Variants in DNAH17 observed in about 807,000 individuals in gnomAD.
DNAH17 encodes axonemal beta dynein heavy chain 17.
DNAH17 carries 376 observed loss-of-function variants against 485.6 expected under a neutral mutation model. The ratio of observed to expected loss-of-function variants is 0.77; its 90% CI spans 0.71 to 0.84. The LOEUF (loss-of-function observed/expected upper bound fraction) is 0.84, where lower values mean the gene tolerates loss of function less well. DNAH17 is among the 40% of genes least tolerant of loss of function. The pLI, the probability that DNAH17 is intolerant of heterozygous loss-of-function variation, is 0.00. For missense variants in DNAH17, 6,370 were observed against 5,839.3 expected (o/e 1.09, Z -2.96); for synonymous variants, 3,031 against 2,405.9 (o/e 1.26, Z -7.60).
At position 78,505,370 on chromosome 17, in the gene DNAH17, G is replaced by T; in HGVS notation, c.4879C>A (p.Leu1627Ile). 1 of 1,614,022 alleles carries T rather than the reference G, an allele frequency of 6.2e-7. No individual in the cohort carries two copies. Among genetic ancestry groups the T allele is most frequent in the Non-Finnish European group, 8.5e-7 (1 of 1,179,886 alleles). Residue 1627 changes from leucine (L) to isoleucine (I), a missense_variant, in exon 31 of 81, where the codon CTC becomes ATC. Transcript: ENST00000389840. ...CTGTACATTCCCAGGCCCACCTTGA[G>T]AGGTTTGTCACTGGCATCGAGCCGG... ...KFRLDASDKP[L>I]KVGLGMYSKE...
intron 29 of DNAH17, 28 bp from the exon 30 acceptor site, chr17:78,506,874 G>T (rs2090499394): frequency 6.2e-7 from 1 of 1,613,410 alleles, no homozygotes; most frequent in South Asian, 1.1e-5. Context: ...AGTAGAGGAG[G>T]CCGGTGACCC....
chr17:78,431,772 C>T (rs1009304375), intron 75 of DNAH17, among the ~76,000 whole-genome samples: 1 of 152,146 alleles, frequency 6.6e-6, no homozygotes, highest in Non-Finnish European at 1.5e-5. Context: ...GACACAGCTC[C>T]TCAGGATGTG....
chr17:78,442,966 C>T (rs1234125685), intron 71 of DNAH17, among the ~76,000 whole-genome samples: 1 of 152,182 alleles, frequency 6.6e-6, no homozygotes, highest in Non-Finnish European at 1.5e-5. Context: ...TTAAGCGACC[C>T]CCTCCCTATA....
intron 25 of DNAH17, among the ~76,000 whole-genome samples, chr17:78,519,048 G>T (rs2090865008): frequency 6.6e-6 from 1 of 151,592 alleles, no homozygotes; most frequent in East Asian, 1.9e-4. Flanking sequence ...GGCACCTGTA[G>T]TCCCAGATAC....
chr17:78,423,879 G>C lies in DNAH17; in HGVS notation c.*27C>G, dbSNP rs763633164. 6 of 1,612,484 alleles carry C rather than the reference G, an allele frequency of 3.7e-6. No individual in the cohort carries two copies. Among genetic ancestry groups the C allele is most frequent in the Non-Finnish European group, 4.2e-6 (5 of 1,178,898 alleles). On this transcript the variant is annotated 3_prime_UTR_variant, in exon 81 of 81. Transcript: ENST00000389840. ...GGCTGAGTTGTGGTCCAGCCCCAGG[G>C]AGTGTGGGCTGTGAGGCAGGAGCGA...
At chr17:78,462,389 T>C (rs931266532) in intron 57 of DNAH17, among the ~76,000 whole-genome samples, 1 of 151,860 alleles carries the variant, frequency 6.6e-6, no homozygotes, top group Non-Finnish European at 1.5e-5. Context: ...TGGTGGGCAA[T>C]AAAGATGAAG....
chr17:78,543,031 T>C (rs1053874644), intron 17 of DNAH17, among the ~76,000 whole-genome samples: 1 of 152,212 alleles, frequency 6.6e-6, no homozygotes, highest in Admixed American at 6.5e-5. Flanking sequence ...GGCAGGCCCA[T>C]CATAAGAGGA....
intron 20 of DNAH17, among the ~76,000 whole-genome samples, chr17:78,531,332 T>A (rs1204915718): frequency 6.7e-6 from 1 of 149,936 alleles, no homozygotes; most frequent in Non-Finnish European, 1.5e-5. Context: ...TGACATAAAG[T>A]CTGTCTTTTT....
chr17:78,559,892 G>C (rs1043904092), intron 13 of DNAH17, among the ~76,000 whole-genome samples: 4 of 151,858 alleles, frequency 2.6e-5, no homozygotes, highest in African/African-American at 9.7e-5. Context: ...TTCTTTACCC[G>C]CATGCCGTGC....
chr17:78,432,865 G>A (rs570415603), intron 75 of DNAH17, among the ~76,000 whole-genome samples: 4 of 148,154 alleles, frequency 2.7e-5, no homozygotes, highest in East Asian at 2.0e-4. Flanking sequence ...CTTGCTGGAG[G>A]TCTCAGTGAA....
At position 78,492,523 on chromosome 17, in the gene DNAH17, C is replaced by T. The variant is rs1014247187; in HGVS notation, c.6541+110G>A. The T allele has an allele frequency of 8.1e-6, 12 of 1,481,576 alleles. No individual in the cohort carries two copies. In the Admixed American group the frequency reaches 1.8e-4, roughly 22 times the overall value. 91.8% of individuals were successfully genotyped at this position (1,481,576 alleles called of 1,614,324 possible). A position where few individuals can be genotyped will look rare whatever the true frequency, so the allele number is the denominator to read the frequency against. ...CATTGCAGGCCACGTGCCTGTGTGC[C>T]CCACCCTAGCCTGGGGAGGCTGGCC... On this transcript the variant is annotated intron_variant, in intron 42 of 80. Transcript: ENST00000389840.
At chr17:78,570,736 T>TA (rs1327629894) in intron 6 of DNAH17, among the ~76,000 whole-genome samples, 1 of 150,946 alleles carries the variant, frequency 6.6e-6, no homozygotes, top group Non-Finnish European at 1.5e-5. Context: ...CACATGCCTG[T>TA]AATCCCAGCT....
At chr17:78,467,380 G>T (rs545292695) in intron 55 of DNAH17, among the ~76,000 whole-genome samples, 1 of 152,338 alleles carries the variant, frequency 6.6e-6, no homozygotes, top group Admixed American at 6.5e-5. Flanking sequence ...CCATTGAATG[G>T]GGTGGCTCAC....
chr17:78,437,656 C>T lies in DNAH17; in HGVS notation c.12018G>A (p.Leu4006=), dbSNP rs139298784. 1.2e-3 allele frequency: 1,939 copies of T among 1,609,696 alleles called. 1 individual carries two copies. Among genetic ancestry groups the T allele is most frequent in the Admixed American group, 2.5e-3 (147 of 59,760 alleles). ...GTGGCCCTACCTGGGTGAACAGGTCCAGGGCCTTGTGCAAGTTGGCGTGCA... is the reference window on the plus strand; with the variant it reads ...GTGGCCCTACCTGGGTGAACAGGTCTAGGGCCTTGTGCAAGTTGGCGTGCA... ...TGMHANLHKA[L]DLFTQDTLEM... Residue 4006 remains leucine, a synonymous_variant, in exon 74 of 81, where the codon CTG becomes CTA. Transcript: ENST00000389840.
intron 18 of DNAH17, 111 bp from the exon 19 acceptor site, chr17:78,537,592 A>C: frequency 1.6e-6 from 2 of 1,259,652 alleles, no homozygotes; most frequent in South Asian, 1.4e-5. Context: ...CCTTCCACTT[A>C]TCTGGGAAGC....
chr17:78,551,692 G>A lies in DNAH17; in HGVS notation c.2288-54C>T, dbSNP rs556198633. The A allele has an allele frequency of 1.1e-5, 17 of 1,567,576 alleles. 1 individual carries two copies. The highest frequency in any genetic ancestry group is 5.4e-5 in the African/African-American group (4 of 74,134). On this transcript the variant is annotated intron_variant, in intron 15 of 80. Coordinates refer to ENST00000389840, the MANE Select transcript of DNAH17 (RefSeq NM_173628.4). ...AAAATGAACAATTCAGGCTGGGCGC[G>A]GTGGCTCAAGCTTGTAATCTCAGCC... is the stretch of plus-strand genomic sequence containing the variant.
intron 75 of DNAH17, 35 bp downstream of exon 75, chr17:78,433,994 A>T (rs755964106): frequency 6.5e-7 from 1 of 1,535,256 alleles, no homozygotes; most frequent in Non-Finnish European, 8.9e-7. Context: ...AGAGGGAGGG[A>T]TATGTCCAAG....
chr17:78,492,209 G>C (rs1025948666), intron 42 of DNAH17, among the ~76,000 whole-genome samples: 1 of 152,144 alleles, frequency 6.6e-6, no homozygotes, highest in Non-Finnish European at 1.5e-5. Flanking sequence ...AACGTCCGGA[G>C]TTCCTTTCAT....
Position 78,571,030 on chromosome 17 carries a change from A to T in DNAH17, c.836T>A (p.Leu279Gln). 6.4e-7 allele frequency: 1 copy of T among 1,569,518 alleles called. No individual in the cohort carries two copies. ...GAGCACGATGTCGTTGGCTTCCTTC[A>T]GCCCTGCACGGAACAAGAACAAGTG... ...QNVYTNVTEG[L>Q]KEANDIVLYL... The change falls in exon 6 of 81, where the codon CTG (leucine) becomes CAG (glutamine). Residue 279 changes from leucine to glutamine, a missense_variant. Transcript: ENST00000389840.
Sources: allele counts gnomAD v4.1 joint callset (sites outside exome capture counted in the v4.1 genomes callset), GRCh38; gene constraint gnomAD v4.1.1; transcripts MANE v1.5; gene names NCBI Gene and HGNC (gene_info 2026-07-23, HGNC 2026-07-21).